Variants in KCNMA1 observed in about 807,000 individuals in gnomAD.
The protein encoded by KCNMA1 is Calcium-activated potassium channel subunit alpha-1.
A neutral mutation model predicts 140.0 loss-of-function variants in KCNMA1; 29 were observed. That is an observed-to-expected ratio of 0.21 (90% CI 0.15 to 0.28). The LOEUF (loss-of-function observed/expected upper bound fraction) is 0.28. KCNMA1 is among the 10% of genes least tolerant of loss of function. The pLI, the probability that KCNMA1 is intolerant of heterozygous loss-of-function variation, is 1.00. For synonymous variants in KCNMA1, 612 were observed against 611.9 expected (o/e 1.00, Z 0.00); for missense variants, 880 against 1,602.2 (o/e 0.55, Z 7.70).
intron 1 of KCNMA1, among the ~76,000 whole-genome samples, chr10:77,594,942 T>C (rs1419751311): frequency 6.6e-6 from 1 of 152,184 alleles, no homozygotes; most frequent in Non-Finnish European, 1.5e-5. Flanking sequence ...TGGCTGGAGT[T>C]GAGGGTTGCT....
At chr10:77,611,902 C>T (rs771112234) in intron 1 of KCNMA1, among the ~76,000 whole-genome samples, 2 of 152,074 alleles carry the variant, frequency 1.3e-5, no homozygotes, top group Admixed American at 6.6e-5. Context: ...GATCATAAGT[C>T]CAAAGAGGAG....
At chr10:77,407,338 G>T (rs1438268298) in intron 1 of KCNMA1, among the ~76,000 whole-genome samples, 1 of 152,184 alleles carries the variant, frequency 6.6e-6, no homozygotes, top group Non-Finnish European at 1.5e-5. Context: ...TGGGGAGCAG[G>T]CATTATAACT....
At chr10:77,197,337 C>T (rs955956945) in intron 3 of KCNMA1, among the ~76,000 whole-genome samples, 3 of 152,204 alleles carry the variant, frequency 2.0e-5, no homozygotes, top group African/African-American at 7.2e-5. Context: ...TCATCCTGGT[C>T]ACTTGGTGCA....
chr10:77,154,089 C>A (rs1285560243), intron 5 of KCNMA1, among the ~76,000 whole-genome samples: 1 of 152,084 alleles, frequency 6.6e-6, no homozygotes, highest in South Asian at 2.1e-4. Flanking sequence ...ATGCTTTTCT[C>A]GTGATAGTGA....
At chr10:77,349,551 A>C (rs1460972968) in intron 2 of KCNMA1, among the ~76,000 whole-genome samples, 2 of 152,206 alleles carry the variant, frequency 1.3e-5, no homozygotes, top group Non-Finnish European at 2.9e-5. Flanking sequence ...GTGAGTAAGC[A>C]GGGAAACTGA....
intron 1 of KCNMA1, among the ~76,000 whole-genome samples, chr10:77,489,275 T>C (rs953155271): frequency 6.6e-6 from 1 of 152,196 alleles, no homozygotes; most frequent in African/African-American, 2.4e-5. Context: ...CTATCTTGCT[T>C]ATCTGAAATT....
intron 1 of KCNMA1, among the ~76,000 whole-genome samples, chr10:77,437,538 G>T (rs1350902488): frequency 1.3e-5 from 2 of 152,138 alleles, no homozygotes; most frequent in Non-Finnish European, 2.9e-5. Flanking sequence ...TTCATGGATA[G>T]AAAATTCAGA....
At chr10:77,120,590 G>A (rs1259813963) in intron 6 of KCNMA1, among the ~76,000 whole-genome samples, 2 of 152,144 alleles carry the variant, frequency 1.3e-5, no homozygotes, top group African/African-American at 4.8e-5. Flanking sequence ...TAATAAAGGG[G>A]CGATTTAGAA....
At chr10:77,367,385 A>G (rs1422101462) in intron 2 of KCNMA1, among the ~76,000 whole-genome samples, 3 of 152,176 alleles carry the variant, frequency 2.0e-5, no homozygotes, top group Non-Finnish European at 4.4e-5. Flanking sequence ...CAGCGTAGGA[A>G]TGAAATGAGC....
At chr10:77,294,048 G>A (rs1334416296) in intron 2 of KCNMA1, among the ~76,000 whole-genome samples, 4 of 152,224 alleles carry the variant, frequency 2.6e-5, no homozygotes, top group East Asian at 1.9e-4. Flanking sequence ...AGAATAGCCC[G>A]CCACTGCGGT....
At chr10:76,946,192 G>C (rs1461240007) in intron 22 of KCNMA1, among the ~76,000 whole-genome samples, 2 of 152,184 alleles carry the variant, frequency 1.3e-5, no homozygotes, top group Non-Finnish European at 2.9e-5. Flanking sequence ...CACATGCTCT[G>C]TGTCTTCAGG....
In KCNMA1 at chr10:76,914,769, C is replaced by T. The variant is rs148912651; in HGVS notation, c.3016+167G>A. 107 of 607,516 alleles carry T rather than the reference C, an allele frequency of 1.8e-4. 1 individual carries two copies. In the Middle Eastern group the frequency reaches 4.4e-3, roughly 25 times the overall value. 37.6% of individuals were successfully genotyped at this position (607,516 alleles called of 1,614,324 possible). A position where few individuals can be genotyped will look rare whatever the true frequency, so the allele number is the denominator to read the frequency against. On this transcript the variant is annotated intron_variant, in intron 24 of 27. Transcript: ENST00000286628. ...AGAAAGATAGATCAGTTTTCCCTTC[C>T]GGTAATCTGCCATATTTCTCCCCAT...
At chr10:77,596,248 C>T (rs1378344209) in intron 1 of KCNMA1, among the ~76,000 whole-genome samples, 3 of 152,216 alleles carry the variant, frequency 2.0e-5, no homozygotes, top group Non-Finnish European at 4.4e-5. Context: ...GACAGGGACA[C>T]TGGTTCCTCT....
At chr10:77,056,314 A>T (rs1367605934) in intron 14 of KCNMA1, among the ~76,000 whole-genome samples, 2 of 152,092 alleles carry the variant, frequency 1.3e-5, no homozygotes, top group Non-Finnish European at 2.9e-5. Context: ...CAGAAGGCAG[A>T]AGTTGTAGTG....
Position 77,158,049 on chromosome 10 carries a change from T to G in KCNMA1, c.808+25372A>C, listed in dbSNP as rs74870102. ...TCAAAGAAGGAGTGTAAATAGCTCC[T>G]ATACAATGAGGTGATCAGATCTCTA... On this transcript the variant is annotated intron_variant, in intron 5 of 27. Transcript: ENST00000286628. Among the ~76,000 whole-genome samples the G allele has an allele frequency of 8.3e-3, 1,257 of 152,280 alleles. 20 individuals carry two copies. Among genetic ancestry groups the G allele is most frequent in the African/African-American group, 0.029 (1,195 of 41,564 alleles).
intron 2 of KCNMA1, among the ~76,000 whole-genome samples, chr10:77,301,003 A>G (rs1354439280): frequency 6.6e-6 from 1 of 152,198 alleles, no homozygotes; most frequent in Admixed American, 6.5e-5. Flanking sequence ...GATGGTTGTA[A>G]CATGCAGTGG....
intron 19 of KCNMA1, among the ~76,000 whole-genome samples, chr10:77,000,854 G>GAAAAAAAAAAAAAAA (rs147198441): frequency 1.9e-4 from 2 of 10,516 alleles, no homozygotes; most frequent in African/African-American, 3.4e-4. Context: ...ATAGTAAAAA[G>GAAAAAAAAAAAAAAA]AAAATATATA....
chr10:77,274,111 T>C (rs997160698), intron 2 of KCNMA1, among the ~76,000 whole-genome samples: 1 of 152,176 alleles, frequency 6.6e-6, no homozygotes, highest in Non-Finnish European at 1.5e-5. Context: ...TGCCACTGTT[T>C]ACCATGGGGA....
At chr10:77,175,349 T>C (rs2098743686) in intron 5 of KCNMA1, among the ~76,000 whole-genome samples, 1 of 152,210 alleles carries the variant, frequency 6.6e-6, no homozygotes, top group African/African-American at 2.4e-5. Context: ...GAATATTAAC[T>C]CAGAGAATGA....
Sources: allele counts gnomAD v4.1 joint callset (sites outside exome capture counted in the v4.1 genomes callset), GRCh38; gene constraint gnomAD v4.1.1; transcripts MANE v1.5; gene names NCBI Gene and HGNC (gene_info 2026-07-23, HGNC 2026-07-21).